The following TTLL5 variants were observed in gnomAD, a reference collection of about 807,000 sequenced individuals.
TTLL5 encodes tubulin tyrosine ligase like 5, also known as tubulin polyglutamylase TTLL5.
In TTLL5, 132 loss-of-function variants were observed where a neutral mutation model predicts 168.4. The observed-to-expected ratio is 0.78, with a 90% CI of 0.68 to 0.91. TTLL5 has a LOEUF of 0.91. TTLL5 is among the 40% of genes least tolerant of loss of function. The probability of loss-of-function intolerance (pLI) is 0.00; values close to 1 mark genes in which losing one functional copy is unlikely to be tolerated. For missense variants in TTLL5, 1,545 were observed against 1,581.5 expected, an observed-to-expected ratio of 0.98 and a Z score of 0.39; for synonymous variants, 546 against 558.6, an observed-to-expected ratio of 0.98 and a Z score of 0.32.
At chr14:75,848,428 C>T (rs1013899224) in intron 28 of TTLL5, among the ~76,000 whole-genome samples, 8 of 152,010 alleles carry the variant, frequency 5.3e-5, no homozygotes, top group Admixed American at 2.0e-4. Flanking sequence ...TAGGTGATGG[C>T]GGTCCAGTTT....
At position 75,699,389 on chromosome 14, in the gene TTLL5, G is replaced by T. The variant is rs925205468; in HGVS notation, c.585+119G>T. 4 of 904,230 alleles carry T rather than the reference G, an allele frequency of 4.4e-6. No individual in the cohort carries two copies. In the African/African-American group the frequency reaches 5.1e-5, roughly 11 times the overall value. The allele number at this position is 904,230 out of a possible 1,614,324, so 56.0% of individuals were successfully genotyped here. On this transcript the variant is annotated intron_variant, in intron 7 of 31. Coordinates refer to ENST00000298832, the MANE Select transcript of TTLL5 (RefSeq NM_015072.5). Reference sequence around the variant, plus strand: ...GAGCAGGTGTGCTCTTCTTAAATCTGCATTCAGAAGTGAGTTAAGCGTAGG... The same window carrying T: ...GAGCAGGTGTGCTCTTCTTAAATCTTCATTCAGAAGTGAGTTAAGCGTAGG...
intron 31 of TTLL5, among the ~76,000 whole-genome samples, chr14:75,928,799 A>AT (rs1413476147): frequency 2.0e-5 from 3 of 152,018 alleles, no homozygotes; most frequent in East Asian, 1.9e-4. Flanking sequence ...TGGTCATGGG[A>AT]TTTTTTGAAA....
In TTLL5 at chr14:75,863,855, G is replaced by C. The variant is rs764137337; in HGVS notation, c.3515G>C (p.Arg1172Pro). 1 of 1,483,704 alleles carries C rather than the reference G, an allele frequency of 6.7e-7. No homozygotes were observed. Among genetic ancestry groups the C allele is most frequent in the Non-Finnish European group, 9.1e-7 (1 of 1,103,968 alleles). 91.9% of individuals were successfully genotyped at this position (1,483,704 alleles called of 1,614,324 possible). A position where few individuals can be genotyped will look rare whatever the true frequency, so the allele number is the denominator to read the frequency against. Reference sequence around the variant, plus strand: ...CAGCTCCTGGACCAGAGTCGAGCCCGGCACCAGGTAATTCAAGATAAGTCT... The same window carrying C: ...CAGCTCCTGGACCAGAGTCGAGCCCCGCACCAGGTAATTCAAGATAAGTCT... Reference protein sequence around the residue: ...SRQLLDQSRARHQAIFGSQTL... With the variant: ...SRQLLDQSRAPHQAIFGSQTL... Residue 1172 changes from arginine (R) to proline (P), a missense_variant, in exon 29 of 32, where the codon CGG becomes CCG. Arg to Pro is a moderately radical substitution (Grantham distance 103). Coordinates refer to ENST00000298832, the MANE Select transcript of TTLL5 (RefSeq NM_015072.5).
intron 9 of TTLL5, among the ~76,000 whole-genome samples, chr14:75,716,715 T>C (rs1887489263): frequency 6.6e-6 from 1 of 152,178 alleles, no homozygotes; most frequent in Admixed American, 6.5e-5. Flanking sequence ...CCATTCGCCT[T>C]GAGTGTCCTT....
At chr14:75,779,807 C>G in intron 24 of TTLL5, 105 bp downstream of exon 24, 1 of 1,187,926 alleles carries the variant, frequency 8.4e-7, no homozygotes, top group Non-Finnish European at 1.1e-6. Context: ...TAATAGTCCC[C>G]AAGGTAATGA....
intron 27 of TTLL5, among the ~76,000 whole-genome samples, chr14:75,817,969 CT>C (rs1469284592): frequency 6.6e-6 from 1 of 151,168 alleles, no homozygotes; most frequent in Non-Finnish European, 1.5e-5. Flanking sequence ...TCCCGAGTAG[CT>C]GGGACTACAG....
chr14:75,734,971 G>A (rs1248371270), intron 14 of TTLL5, among the ~76,000 whole-genome samples: 1 of 152,178 alleles, frequency 6.6e-6, no homozygotes, highest in Non-Finnish European at 1.5e-5. Flanking sequence ...TACCCAACCA[G>A]CAAGGTTAAT....
At position 75,763,253 on chromosome 14, in the gene TTLL5, C is replaced by CTGTGTGTGTGTGTGTGTGTGTGTG. The variant is rs202149877; in HGVS notation, c.1551-1361_1551-1360insGTGTGTGTGTGTGTGTGTGTGTGT. Among the ~76,000 whole-genome samples the CTGTGTGTGTGTGTGTGTGTGTGTG allele has an allele frequency of 4.5e-4, 65 of 145,488 alleles. 1 individual carries two copies. The highest frequency in any genetic ancestry group is 1.6e-3 in the African/African-American group (63 of 39,340). ...TAAAAGTTTATTTCTATAGCTCTCT[C>CTGTGTGTGTGTGTGTGTGTGTGTG]TCTGTGTGTGTGTGTGTGTGTGTGT... is the stretch of plus-strand genomic sequence containing the variant. On this transcript the variant is annotated intron_variant, in intron 18 of 31. Transcript: ENST00000298832.
At chr14:75,927,156 A>G (rs1425851389) in intron 31 of TTLL5, among the ~76,000 whole-genome samples, 1 of 152,214 alleles carries the variant, frequency 6.6e-6, no homozygotes, top group Non-Finnish European at 1.5e-5. Context: ...TATGGGGTAC[A>G]TGAGATGCTT....
intron 12 of TTLL5, among the ~76,000 whole-genome samples, chr14:75,728,175 G>A (rs1888304465): frequency 6.6e-6 from 1 of 152,046 alleles, no homozygotes; most frequent in African/African-American, 2.4e-5. Context: ...GGCCAACATG[G>A]TAAAACCCCA....
chr14:75,905,359 G>A (rs949216827), intron 31 of TTLL5, among the ~76,000 whole-genome samples: 3 of 152,150 alleles, frequency 2.0e-5, no homozygotes, highest in African/African-American at 4.8e-5. Context: ...CTGTTCTCTC[G>A]CAGTCTGAAT....
intron 28 of TTLL5, among the ~76,000 whole-genome samples, chr14:75,850,297 T>C (rs974358131): frequency 1.4e-4 from 21 of 147,930 alleles, no homozygotes; most frequent in African/African-American, 5.3e-4. Flanking sequence ...TCCCAGCTAC[T>C]AGGGAAGCTG....
Position 75,792,907 on chromosome 14 carries a change from T to A in TTLL5, c.2987-9T>A, listed in dbSNP as rs1330259004. 6.4e-7 allele frequency: 1 copy of A among 1,560,832 alleles called. No individual in the cohort carries two copies. Among genetic ancestry groups the A allele is most frequent in the Non-Finnish European group, 8.7e-7 (1 of 1,148,460 alleles). On this transcript the variant is annotated splice_polypyrimidine_tract_variant and intron_variant, in intron 26 of 31. Coordinates refer to ENST00000298832, the MANE Select transcript of TTLL5 (RefSeq NM_015072.5). Reference sequence around the variant, plus strand: ...CTAAATGAGTGAAAACTTTTCTCCGTTTTAGCAGGATCGTGCTATCTAAAC... The same window carrying A: ...CTAAATGAGTGAAAACTTTTCTCCGATTTAGCAGGATCGTGCTATCTAAAC...
chr14:75,830,172 A>T (rs1266039368), intron 28 of TTLL5, among the ~76,000 whole-genome samples: 1 of 152,208 alleles, frequency 6.6e-6, no homozygotes, highest in South Asian at 2.1e-4. Flanking sequence ...CACTTGGATA[A>T]TTAAAACAAA....
chr14:75,856,754 G>A (rs1009698160), intron 28 of TTLL5, among the ~76,000 whole-genome samples: 7 of 150,934 alleles, frequency 4.6e-5, no homozygotes, highest in African/African-American at 1.7e-4. Context: ...AGAATCCCCA[G>A]TAGCTGGGAC....
intron 18 of TTLL5, among the ~76,000 whole-genome samples, chr14:75,757,127 G>A (rs772258803): frequency 2.6e-5 from 4 of 151,880 alleles, no homozygotes; most frequent in Admixed American, 2.0e-4. Flanking sequence ...ACAGGTGCAC[G>A]CCACCACGCC....
intron 31 of TTLL5, among the ~76,000 whole-genome samples, chr14:75,946,035 T>C (rs975540940): frequency 1.3e-5 from 2 of 152,304 alleles, no homozygotes; most frequent in East Asian, 1.9e-4. Flanking sequence ...TTCCAACACA[T>C]AACACGCAAA....
chr14:75,808,721 G>T (rs1424527275), intron 27 of TTLL5, among the ~76,000 whole-genome samples: 1 of 152,114 alleles, frequency 6.6e-6, no homozygotes, highest in Non-Finnish European at 1.5e-5. Context: ...AGATCATTCA[G>T]AGCCCCATGG....
intron 28 of TTLL5, among the ~76,000 whole-genome samples, chr14:75,825,813 G>A (rs765280365): frequency 1.3e-5 from 2 of 151,878 alleles, no homozygotes; most frequent in African/African-American, 2.4e-5. Flanking sequence ...TGAGGAAAAC[G>A]ATTTCTCCAG....
Sources: allele counts gnomAD v4.1 joint callset (sites outside exome capture counted in the v4.1 genomes callset), GRCh38; gene constraint gnomAD v4.1.1; transcripts MANE v1.5; gene names NCBI Gene and HGNC (gene_info 2026-07-23, HGNC 2026-07-21).